ANKDD1A: variants seen among roughly 807,000 people sequenced by gnomAD.
ANKDD1A encodes ankyrin repeat and death domain-containing protein 1A.
In ANKDD1A, 59 loss-of-function variants were observed where a neutral mutation model predicts 63.5. The ratio of observed to expected loss-of-function variants is 0.93; its 90% CI spans 0.75 to 1.15. The LOEUF is 1.15. Ranked by LOEUF, ANKDD1A falls within the 50% of genes most tolerant of loss-of-function variation. The probability of loss-of-function intolerance (pLI) is 0.00; values close to 1 mark genes in which losing one functional copy is unlikely to be tolerated. For synonymous variants in ANKDD1A, 266 were observed against 263.9 expected, an observed-to-expected ratio of 1.01 and a Z score of -0.08; for missense variants, 632 against 656.4, an observed-to-expected ratio of 0.96 and a Z score of 0.41.
intron 9 of ANKDD1A, among the ~76,000 whole-genome samples, chr15:64,940,968 C>A (rs796136517): frequency 3.3e-5 from 5 of 152,294 alleles, no homozygotes; most frequent in African/African-American, 1.2e-4. Context: ...ATCTCGAACT[C>A]CTGGGCTCAA....
At chr15:64,948,922 A>G (rs1221374688) in intron 13 of ANKDD1A, among the ~76,000 whole-genome samples, 1 of 152,236 alleles carries the variant, frequency 6.6e-6, no homozygotes, top group Non-Finnish European at 1.5e-5. Context: ...AAACGCTGCT[A>G]CGGATAAGAA....
intron 10 of ANKDD1A, 107 bp downstream of exon 10, chr15:64,942,672 C>CT (rs3057944): frequency 0.2 from 93,823 of 469,058 alleles, 6,469 homozygotes; most frequent in South Asian, 0.25. Flanking sequence ...TGAGGAATCA[C>CT]TTTTTTTTTT....
At chr15:64,914,571 C>T (rs548848499) in intron 1 of ANKDD1A, among the ~76,000 whole-genome samples, 11 of 152,208 alleles carry the variant, frequency 7.2e-5, no homozygotes, top group Admixed American at 2.0e-4. Flanking sequence ...TGGGATTGCA[C>T]GCATGAGCCA....
intron 4 of ANKDD1A, among the ~76,000 whole-genome samples, chr15:64,923,399 C>G (rs1007169801): frequency 6.6e-6 from 1 of 152,120 alleles, no homozygotes; most frequent in African/African-American, 2.4e-5. Flanking sequence ...TGCCATGAAG[C>G]TTATAGTAAT....
rs141601268 is a variant in ANKDD1A, at chr15:64,952,233, TTTC to T, written c.1483+2270_1483+2272del. Reference sequence around the variant, plus strand: ...TCTTTCTTCTTCTTCCTTCTCCTCCTTTCTTCTTCTTATTCTTCTCCTTCTTCC... The same window carrying T: ...TCTTTCTTCTTCTTCCTTCTCCTCCTTTCTTCTTATTCTTCTCCTTCTTCC... On this transcript the variant is annotated intron_variant, in intron 14 of 14. Transcript: ENST00000319580. Among the ~76,000 whole-genome samples, 777 of 149,886 alleles carry T rather than the reference TTTC, an allele frequency of 5.2e-3. 3 individuals carry two copies. Among genetic ancestry groups the T allele is most frequent in the African/African-American group, 0.012 (472 of 40,512 alleles).
chr15:64,941,430 G>T (rs936044357), intron 9 of ANKDD1A, among the ~76,000 whole-genome samples: 1 of 152,184 alleles, frequency 6.6e-6, no homozygotes, highest in African/African-American at 2.4e-5. Flanking sequence ...GGGCCTTCCT[G>T]CTGTGTTGTG....
At chr15:64,951,636 TCTTCTATCTTCTTTC>T (rs1176499559) in intron 14 of ANKDD1A, among the ~76,000 whole-genome samples, 1 of 147,192 alleles carries the variant, frequency 6.8e-6, no homozygotes, top group African/African-American at 2.5e-5. Context: ...CTTCTTTTCT[TCTTCTATCTTCTTTC>T]CTTCTATCTT....
At chr15:64,942,330 AC>A (rs1196106757) in intron 9 of ANKDD1A, 136 bp from the exon 10 acceptor site, 1 of 556,240 alleles carries the variant, frequency 1.8e-6, no homozygotes, top group Non-Finnish European at 3.0e-6. Context: ...GCCTAAGGCC[AC>A]CCATGTCATC....
intron 2 of ANKDD1A, among the ~76,000 whole-genome samples, chr15:64,916,203 T>G (rs1419774517): frequency 6.6e-6 from 1 of 152,068 alleles, no homozygotes; most frequent in Non-Finnish European, 1.5e-5. Context: ...GGGTCAAAGG[T>G]CAGCAGCCAG....
At chr15:64,915,946 C>A in intron 2 of ANKDD1A, 46 bp downstream of exon 2, 1 of 1,564,254 alleles carries the variant, frequency 6.4e-7, no homozygotes, top group Non-Finnish European at 8.8e-7. Context: ...GATAGTGTCA[C>A]GATAATGCCA....
At chr15:64,926,620 C>T (rs1020803475) in intron 5 of ANKDD1A, among the ~76,000 whole-genome samples, 1 of 152,024 alleles carries the variant, frequency 6.6e-6, no homozygotes, top group Admixed American at 6.6e-5. Flanking sequence ...GTCCCTCTGG[C>T]GATCTCAACC....
intron 1 of ANKDD1A, chr15:64,914,229 A>G (rs1406683327): frequency 1.3e-5 from 2 of 152,148 alleles, no homozygotes; most frequent in Non-Finnish European, 2.9e-5. Context: ...CTCGTGATCC[A>G]TCCACCTCGG....
intron 14 of ANKDD1A, among the ~76,000 whole-genome samples, chr15:64,954,727 C>CCTTCTCCTCCTCCTG (rs1416776876): frequency 2.8e-5 from 2 of 72,242 alleles, no homozygotes; most frequent in Admixed American, 2.0e-4. Context: ...TTCTCCTCCT[C>CCTTCTCCTCCTCCTG]CTTCTTCTTC....
chr15:64,924,947 C>A (rs1186091160), intron 4 of ANKDD1A, among the ~76,000 whole-genome samples: 1 of 152,154 alleles, frequency 6.6e-6, no homozygotes, highest in Non-Finnish European at 1.5e-5. Context: ...ACACACTGGG[C>A]CGGGCGTGGT....
intron 13 of ANKDD1A, among the ~76,000 whole-genome samples, chr15:64,948,947 AAAG>A (rs1174019661): frequency 2.0e-5 from 3 of 152,242 alleles, no homozygotes; most frequent in Admixed American, 2.0e-4. Context: ...CATATATGAT[AAAG>A]AAGCACTTGT....
intron 14 of ANKDD1A, among the ~76,000 whole-genome samples, chr15:64,954,834 TTC>T (rs2085398975): frequency 1.5e-5 from 2 of 137,012 alleles, no homozygotes; most frequent in African/African-American, 2.6e-5. Flanking sequence ...CTTTTTGTTG[TTC>T]TTTCTTCTTC....
At chr15:64,955,060 TTC>T (rs1278290450) in intron 14 of ANKDD1A, among the ~76,000 whole-genome samples, 15 of 123,808 alleles carry the variant, frequency 1.2e-4, no homozygotes, top group Non-Finnish European at 2.0e-4. Flanking sequence ...TCTTCTTCTT[TTC>T]TCTTTTTTTT....
rs1207266982 is a variant in ANKDD1A, at chr15:64,957,925, G to C, written c.*737G>C. On this transcript the variant is annotated 3_prime_UTR_variant, in exon 15 of 15. Coordinates refer to ENST00000319580, the MANE Select transcript of ANKDD1A (RefSeq NM_182703.6). ...AACATATTTGCATAAATAAAAGCTA[G>C]ACAAAGGCTAAGAAACTAATCAGGT... 1.3e-5 allele frequency: 2 copies of C among 152,152 alleles called. No homozygotes were observed. The highest frequency in any genetic ancestry group is 2.9e-5 in the Non-Finnish European group (2 of 68,038). The allele number at this position is 152,152 out of a possible 1,614,324, so 9.4% of individuals were successfully genotyped here. A position where few individuals can be genotyped will look rare whatever the true frequency, so the allele number is the denominator to read the frequency against.
intron 1 of ANKDD1A, among the ~76,000 whole-genome samples, chr15:64,915,256 GA>G (rs2084960247): frequency 6.6e-6 from 1 of 152,198 alleles, no homozygotes; most frequent in East Asian, 1.9e-4. Context: ...AGTGAGACAA[GA>G]TCACGCCACT....
Sources: allele counts gnomAD v4.1 joint callset (sites outside exome capture counted in the v4.1 genomes callset), GRCh38; gene constraint gnomAD v4.1.1; transcripts MANE v1.5; gene names NCBI Gene and HGNC (gene_info 2026-07-23, HGNC 2026-07-21).